ZNF385D: variants seen among roughly 807,000 people sequenced by gnomAD.
The protein encoded by ZNF385D is zinc finger protein 385D, also known as zinc finger protein 659.
Under a neutral mutation model 35.8 loss-of-function variants are expected in ZNF385D, and 15 were observed. The ratio of observed to expected loss-of-function variants is 0.42; its 90% CI spans 0.28 to 0.64. The LOEUF (loss-of-function observed/expected upper bound fraction) is 0.64. ZNF385D is among the 30% of genes least tolerant of loss of function. The probability of loss-of-function intolerance (pLI) is 0.23; values close to 1 mark genes in which losing one functional copy is unlikely to be tolerated. For missense variants in ZNF385D, 474 were observed against 494.6 expected (o/e 0.96, Z 0.39); for synonymous variants, 212 against 186.8 (o/e 1.13, Z -1.10).
chr3:22,297,702 C>T (rs914610893), intron 2 of ZNF385D, among the ~76,000 whole-genome samples: 3 of 151,926 alleles, frequency 2.0e-5, no homozygotes, highest in Non-Finnish European at 4.4e-5. Flanking sequence ...AAAGCAAATA[C>T]ACGTGGCGAG....
chr3:21,690,706 C>T (rs934727833), intron 1 of ZNF385D, among the ~76,000 whole-genome samples: 2 of 152,152 alleles, frequency 1.3e-5, no homozygotes, highest in African/African-American at 2.4e-5. Flanking sequence ...AGGCCAGCAG[C>T]GTCAACATCA....
chr3:21,944,847 A>G (rs1366216814), intron 3 of ZNF385D, among the ~76,000 whole-genome samples: 1 of 152,144 alleles, frequency 6.6e-6, no homozygotes, highest in African/African-American at 2.4e-5. Context: ...ATAAAATTAT[A>G]GAAATGTAGA....
chr3:21,821,177 GAATA>G (rs1694199321), intron 3 of ZNF385D, among the ~76,000 whole-genome samples: 1 of 151,590 alleles, frequency 6.6e-6, no homozygotes, highest in African/African-American at 2.4e-5. Context: ...TATGAGACAA[GAATA>G]GTAGAAGGTG....
intron 4 of ZNF385D, among the ~76,000 whole-genome samples, chr3:21,499,469 G>C (rs914198465): frequency 1.3e-5 from 2 of 151,836 alleles, no homozygotes; most frequent in African/African-American, 4.8e-5. Context: ...CAGACACCAG[G>C]GCCTATTTGA....
intron 3 of ZNF385D, among the ~76,000 whole-genome samples, chr3:21,941,460 A>G (rs888760871): frequency 3.8e-5 from 5 of 130,272 alleles, no homozygotes; most frequent in Admixed American, 1.5e-4. Flanking sequence ...GATGTTTTCT[A>G]TGGTCTTTTT....
intron 2 of ZNF385D, among the ~76,000 whole-genome samples, chr3:22,219,101 G>A (rs1029665846): frequency 6.6e-6 from 1 of 152,052 alleles, no homozygotes; most frequent in Non-Finnish European, 1.5e-5. Context: ...CTATGGTGAC[G>A]ATCTGTTACT....
At chr3:21,843,202 G>A (rs971289893) in intron 3 of ZNF385D, among the ~76,000 whole-genome samples, 3 of 152,012 alleles carry the variant, frequency 2.0e-5, no homozygotes, top group Admixed American at 6.6e-5. Flanking sequence ...TTAGAAGATA[G>A]TATAAAGACA....
At chr3:21,466,395 C>T (rs953425554) in intron 4 of ZNF385D, among the ~76,000 whole-genome samples, 2 of 152,136 alleles carry the variant, frequency 1.3e-5, no homozygotes, top group Non-Finnish European at 2.9e-5. Flanking sequence ...GTTACTTTGC[C>T]TTTAGCATGG....
chr3:21,512,145 C>CAAAAAAAAAA lies in ZNF385D; in HGVS notation c.277-1132_277-1123dup, dbSNP rs35276805. Among the ~76,000 whole-genome samples, 53 of 90,322 alleles carry CAAAAAAAAAA rather than the reference C, an allele frequency of 5.9e-4. 1 individual carries two copies. Among genetic ancestry groups the CAAAAAAAAAA allele is most frequent in the African/African-American group, 2.3e-3 (52 of 22,318 alleles). 59.3% of individuals were successfully genotyped at this position (90,322 alleles called of 152,430 possible). A position where few individuals can be genotyped will look rare whatever the true frequency, so the allele number is the denominator to read the frequency against. ...CTGGTGACAGAGCGAGACTCCATCT[C>CAAAAAAAAAA]AAAAAAAAAAAAAAAAAAAGAAGTA... is the stretch of plus-strand genomic sequence containing the variant. On this transcript the variant is annotated intron_variant, in intron 3 of 7. Coordinates refer to ENST00000281523, the MANE Select transcript of ZNF385D (RefSeq NM_024697.3).
intron 3 of ZNF385D, among the ~76,000 whole-genome samples, chr3:21,843,195 G>C (rs1025415102): frequency 5.3e-5 from 8 of 152,018 alleles, no homozygotes; most frequent in Admixed American, 4.6e-4. Context: ...TGAGCAGTTA[G>C]AAGATAGTAT....
At chr3:21,721,420 C>A (rs2068535976) in intron 1 of ZNF385D, among the ~76,000 whole-genome samples, 1 of 151,418 alleles carries the variant, frequency 6.6e-6, no homozygotes, top group Non-Finnish European at 1.5e-5. Context: ...AAGAAATAGT[C>A]CAGAGAAGAG....
intron 3 of ZNF385D, among the ~76,000 whole-genome samples, chr3:21,844,146 A>T (rs1695853135): frequency 6.6e-6 from 1 of 151,952 alleles, no homozygotes; most frequent in South Asian, 2.1e-4. Flanking sequence ...TTTAACCTTA[A>T]AACAACCCTG....
chr3:21,690,085 G>A (rs1440109407), intron 1 of ZNF385D, among the ~76,000 whole-genome samples: 4 of 151,990 alleles, frequency 2.6e-5, no homozygotes, highest in South Asian at 2.1e-4. Context: ...CGTAAAATGT[G>A]TATATAATTT....
At chr3:21,705,995 G>T (rs567255901) in intron 1 of ZNF385D, among the ~76,000 whole-genome samples, 1 of 152,286 alleles carries the variant, frequency 6.6e-6, no homozygotes, top group Admixed American at 6.5e-5. Context: ...TGGCAAAGGT[G>T]GGGGTGAGGA....
chr3:21,790,563 T>C (rs76856616), intron 3 of ZNF385D, among the ~76,000 whole-genome samples: 1 of 152,106 alleles, frequency 6.6e-6, no homozygotes, highest in Non-Finnish European at 1.5e-5. Context: ...CCTTTATCAG[T>C]TCTCTAGGGC....
In ZNF385D at chr3:21,903,438, G is replaced by A. The variant is rs75108949; in HGVS notation, c.326-238410C>T. 4.4e-3 allele frequency among the ~76,000 whole-genome samples: 675 copies of A among 152,056 alleles called. 4 individuals are homozygous for A. Among genetic ancestry groups the A allele is most frequent in the Middle Eastern group, 0.017 (5 of 294 alleles). On this transcript the variant is annotated intron_variant, in intron 3 of 5. Coordinates refer to the ZNF385D transcript ENST00000494108. ...TGTACTCTATTTTTAAAAGATCTTCGGAGTCTCTGAGGCTGGCTTCATAGA... is the reference window on the plus strand; with the variant it reads ...TGTACTCTATTTTTAAAAGATCTTCAGAGTCTCTGAGGCTGGCTTCATAGA...
chr3:21,861,059 C>T (rs1697025049), intron 3 of ZNF385D, among the ~76,000 whole-genome samples: 1 of 152,120 alleles, frequency 6.6e-6, no homozygotes, highest in African/African-American at 2.4e-5. Flanking sequence ...AGACAAAGAA[C>T]AGTTTAAGCG....
At chr3:21,601,780 C>T (rs935080015) in intron 2 of ZNF385D, among the ~76,000 whole-genome samples, 1 of 152,046 alleles carries the variant, frequency 6.6e-6, no homozygotes, top group African/African-American at 2.4e-5. Flanking sequence ...GCAGTCCCGC[C>T]CCCTGGAAGC....
intron 3 of ZNF385D, among the ~76,000 whole-genome samples, chr3:22,134,592 G>A (rs1231858234): frequency 6.6e-6 from 1 of 152,126 alleles, no homozygotes. Context: ...TTTACTAAAA[G>A]AGGCCATACC....
Sources: allele counts gnomAD v4.1 joint callset (sites outside exome capture counted in the v4.1 genomes callset), GRCh38; gene constraint gnomAD v4.1.1; transcripts MANE v1.5; gene names NCBI Gene and HGNC (gene_info 2026-07-23, HGNC 2026-07-21).